Variants in GALNTL6 observed in about 807,000 individuals in gnomAD.
GALNTL6 encodes the protein polypeptide N-acetylgalactosaminyltransferase-like 6.
Under a neutral mutation model 73.7 loss-of-function variants are expected in GALNTL6, and 46 were observed. The ratio of observed to expected loss-of-function variants is 0.62; its 90% CI spans 0.49 to 0.80. The LOEUF is 0.80. Ranked by LOEUF, GALNTL6 falls within the 30% of genes least tolerant of loss-of-function variation. The pLI is 0.00. For missense variants in GALNTL6, 604 were observed against 755.0 expected (o/e 0.80, Z 2.34); for synonymous variants, 259 against 263.7 (o/e 0.98, Z 0.17).
intron 2 of GALNTL6, among the ~76,000 whole-genome samples, chr4:171,974,473 CATA>C (rs1488120772): frequency 6.6e-6 from 1 of 152,096 alleles, no homozygotes; most frequent in Non-Finnish European, 1.5e-5. Context: ...TTCTTTGTAG[CATA>C]AACACAAAAG....
rs372395346 is a variant in GALNTL6, at chr4:171,844,763, A to G, written c.138+30045A>G. The stretch of plus-strand genomic sequence containing the variant: ...CATTGAGAATTGCACTTGGGGTAAT[A>G]GGAAGCATATAAATTAATGGCACCA... On this transcript the variant is annotated intron_variant, in intron 2 of 12. Transcript: ENST00000506823. Among the ~76,000 whole-genome samples, 19 of 152,294 alleles carry G rather than the reference A, an allele frequency of 1.2e-4. No individual in the cohort carries two copies. The East Asian group carries it at 3.5e-3, about 28-fold the overall frequency.
At chr4:172,779,343 G>A (rs946269318) in intron 5 of GALNTL6, among the ~76,000 whole-genome samples, 8 of 152,094 alleles carry the variant, frequency 5.3e-5, no homozygotes, top group African/African-American at 1.9e-4. Flanking sequence ...ACATTTTGAA[G>A]GTCTAAGCCT....
At chr4:172,854,858 T>C (rs1744041406) in intron 7 of GALNTL6, among the ~76,000 whole-genome samples, 1 of 152,236 alleles carries the variant, frequency 6.6e-6, no homozygotes, top group Non-Finnish European at 1.5e-5. Context: ...ACTTCTATCA[T>C]GTTTTTCTTT....
intron 2 of GALNTL6, among the ~76,000 whole-genome samples, chr4:171,996,638 C>T (rs1740494248): frequency 6.6e-6 from 1 of 150,378 alleles, no homozygotes; most frequent in African/African-American, 2.5e-5. Context: ...CAGAGGTGTC[C>T]AATCTTTTTG....
At chr4:171,876,581 C>T (rs558513308) in intron 2 of GALNTL6, among the ~76,000 whole-genome samples, 9 of 152,244 alleles carry the variant, frequency 5.9e-5, no homozygotes, top group Non-Finnish European at 8.8e-5. Flanking sequence ...GTCACATGAA[C>T]GGTGGAAGCT....
intron 2 of GALNTL6, among the ~76,000 whole-genome samples, chr4:171,967,693 C>A (rs1739431667): frequency 6.6e-6 from 1 of 152,038 alleles, no homozygotes; most frequent in Non-Finnish European, 1.5e-5. Context: ...TGAACAATTT[C>A]TTTCTCTTCT....
At chr4:172,652,347 A>G (rs912470005) in intron 5 of GALNTL6, among the ~76,000 whole-genome samples, 1 of 152,242 alleles carries the variant, frequency 6.6e-6, no homozygotes, top group South Asian at 2.1e-4. Context: ...GAAATCTCTT[A>G]GGATGGAATA....
chr4:172,999,646 T>C (rs1724394106), intron 10 of GALNTL6, among the ~76,000 whole-genome samples: 1 of 152,154 alleles, frequency 6.6e-6, no homozygotes, highest in Non-Finnish European at 1.5e-5. Flanking sequence ...TGTCTATATA[T>C]AGATGTCCCA....
chr4:172,362,673 C>T (rs1314146493), intron 5 of GALNTL6, among the ~76,000 whole-genome samples: 1 of 152,140 alleles, frequency 6.6e-6, no homozygotes, highest in Non-Finnish European at 1.5e-5. Flanking sequence ...TACTGGACAT[C>T]TGGAGCTAGA....
chr4:172,359,266 C>T (rs2111235821), intron 5 of GALNTL6, among the ~76,000 whole-genome samples: 1 of 152,278 alleles, frequency 6.6e-6, no homozygotes, highest in Non-Finnish European at 1.5e-5. Context: ...TTATCCTTGG[C>T]AGACTAACAT....
chr4:172,639,328 G>A (rs539930422), intron 5 of GALNTL6, among the ~76,000 whole-genome samples: 6 of 151,970 alleles, frequency 3.9e-5, no homozygotes, highest in African/African-American at 1.2e-4. Flanking sequence ...CAGCATTTTC[G>A]TTTCCTCACT....
intron 7 of GALNTL6, among the ~76,000 whole-genome samples, chr4:172,823,487 T>C (rs1305458163): frequency 6.6e-6 from 1 of 152,202 alleles, no homozygotes; most frequent in Non-Finnish European, 1.5e-5. Flanking sequence ...ATTGAATGGA[T>C]GAAATAAATA....
intron 2 of GALNTL6, among the ~76,000 whole-genome samples, chr4:171,939,792 T>C (rs1408195585): frequency 6.6e-6 from 1 of 152,104 alleles, no homozygotes; most frequent in African/African-American, 2.4e-5. Context: ...AGGATACAGA[T>C]AAACAATCTT....
intron 5 of GALNTL6, among the ~76,000 whole-genome samples, chr4:172,698,922 G>C (rs1362831207): frequency 6.6e-6 from 1 of 152,112 alleles, no homozygotes; most frequent in Non-Finnish European, 1.5e-5. Context: ...CAAGTTCTGT[G>C]TCTTGGTCAT....
At chr4:172,275,272 A>C (rs1738788146) in intron 3 of GALNTL6, among the ~76,000 whole-genome samples, 1 of 152,204 alleles carries the variant, frequency 6.6e-6, no homozygotes, top group African/African-American at 2.4e-5. Context: ...TTAATAAATC[A>C]TTTCTTCGTT....
At chr4:172,581,549 A>G (rs936645953) in intron 5 of GALNTL6, among the ~76,000 whole-genome samples, 1 of 151,934 alleles carries the variant, frequency 6.6e-6, no homozygotes, top group African/African-American at 2.4e-5. Flanking sequence ...CCCCTATTCT[A>G]TTCTTTCCCT....
At chr4:172,394,413 T>C (rs1157635555) in intron 5 of GALNTL6, among the ~76,000 whole-genome samples, 1 of 151,168 alleles carries the variant, frequency 6.6e-6, no homozygotes, top group Non-Finnish European at 1.5e-5. Context: ...TCTTGCAATT[T>C]ATTTTCTTCT....
intron 2 of GALNTL6, among the ~76,000 whole-genome samples, chr4:172,181,071 A>G (rs1426974454): frequency 1.3e-5 from 2 of 152,120 alleles, no homozygotes; most frequent in African/African-American, 4.8e-5. Flanking sequence ...TTTTCGTCAT[A>G]TTGTTTCTTC....
intron 3 of GALNTL6, among the ~76,000 whole-genome samples, chr4:172,282,909 T>C (rs1400061468): frequency 1.3e-5 from 2 of 152,194 alleles, no homozygotes; most frequent in African/African-American, 2.4e-5. Context: ...TGGTGCATGA[T>C]ACGGTTTATT....
Sources: gnomAD v4.1 joint callset for allele counts (sites outside exome capture counted in the v4.1 genomes callset) on GRCh38, gnomAD v4.1.1 for gene constraint, MANE v1.5 for transcripts, NCBI Gene and HGNC (gene_info 2026-07-23, HGNC 2026-07-21) for gene names.